The following GRB14 variants were observed in gnomAD, a reference collection of about 807,000 sequenced individuals.
The protein encoded by GRB14 is growth factor receptor bound protein 14.
GRB14 carries 38 observed loss-of-function variants against 69.1 expected under a neutral mutation model. The observed-to-expected ratio is 0.55, with a 90% confidence interval of 0.42 to 0.72. GRB14 has a LOEUF of 0.72. Ranked by LOEUF, GRB14 falls within the 30% of genes least tolerant of loss-of-function variation. GRB14 has a pLI of 0.00. For missense variants in GRB14, 666 were observed against 666.1 expected, an observed-to-expected ratio of 1.00 and a Z score of 0.00; for synonymous variants, 247 against 241.3, an observed-to-expected ratio of 1.02 and a Z score of -0.22.
At chr2:164,588,089 C>A (rs1018922346) in intron 2 of GRB14, among the ~76,000 whole-genome samples, 2 of 152,184 alleles carry the variant, frequency 1.3e-5, no homozygotes, top group African/African-American at 4.8e-5. Flanking sequence ...AACTTCTTGT[C>A]AACTGTTAAC....
At chr2:164,614,186 A>G (rs1210364187) in intron 2 of GRB14, among the ~76,000 whole-genome samples, 1 of 152,270 alleles carries the variant, frequency 6.6e-6, no homozygotes, top group Non-Finnish European at 1.5e-5. Context: ...ATCAAGTGAC[A>G]GCACTCAAAA....
intron 2 of GRB14, chr2:164,573,724 G>C: frequency 6.2e-7 from 1 of 1,604,274 alleles, no homozygotes; most frequent in East Asian, 2.2e-5. Context: ...TTCTAATTAA[G>C]TTTCTTCTCA....
At chr2:164,602,561 C>T (rs909586074) in intron 2 of GRB14, among the ~76,000 whole-genome samples, 1 of 152,164 alleles carries the variant, frequency 6.6e-6, no homozygotes, top group Non-Finnish European at 1.5e-5. Flanking sequence ...AATGAGCTCA[C>T]TATCATTGAA....
intron 2 of GRB14, among the ~76,000 whole-genome samples, chr2:164,578,104 G>A (rs759628659): frequency 6.6e-6 from 1 of 152,030 alleles, no homozygotes; most frequent in Non-Finnish European, 1.5e-5. Context: ...TTAGTGGTGT[G>A]CACCTGTAAT....
chr2:164,606,969 C>G (rs1245967784), intron 2 of GRB14, among the ~76,000 whole-genome samples: 1 of 152,138 alleles, frequency 6.6e-6, no homozygotes, highest in Non-Finnish European at 1.5e-5. Context: ...TTTTAACTGG[C>G]ATACATGGGC....
chr2:164,550,063 T>A (rs1027956992), intron 2 of GRB14, among the ~76,000 whole-genome samples: 3 of 152,098 alleles, frequency 2.0e-5, no homozygotes, highest in African/African-American at 7.2e-5. Context: ...CCATCTCAGG[T>A]ATGAATATTT....
intron 2 of GRB14, among the ~76,000 whole-genome samples, chr2:164,557,726 G>A (rs1334057468): frequency 2.6e-5 from 4 of 152,126 alleles, no homozygotes; most frequent in Admixed American, 1.3e-4. Flanking sequence ...CATTAAGGTC[G>A]CAAGATGGAT....
At chr2:164,532,441 C>T (rs1041416832) in intron 3 of GRB14, among the ~76,000 whole-genome samples, 1 of 152,110 alleles carries the variant, frequency 6.6e-6, no homozygotes, top group African/African-American at 2.4e-5. Flanking sequence ...TCTCTAGAAC[C>T]TGTAAATGTT....
chr2:164,546,697 A>T (rs950520244), intron 3 of GRB14, among the ~76,000 whole-genome samples: 10 of 152,204 alleles, frequency 6.6e-5, no homozygotes, highest in African/African-American at 2.4e-4. Context: ...CTGGCAGAAG[A>T]TCTGCCTCTG....
intron 3 of GRB14, among the ~76,000 whole-genome samples, chr2:164,539,317 A>C (rs933113415): frequency 4.6e-5 from 7 of 152,076 alleles, no homozygotes; most frequent in Non-Finnish European, 7.4e-5. Context: ...TCTACTAAAA[A>C]TACAAAAATT....
intron 2 of GRB14, among the ~76,000 whole-genome samples, chr2:164,617,574 T>C (rs760077629): frequency 2.6e-5 from 4 of 152,116 alleles, no homozygotes; most frequent in East Asian, 3.9e-4. Flanking sequence ...TTGTCCCCTA[T>C]ACTAACATAA....
chr2:164,569,795 T>C (rs992458394), intron 2 of GRB14, among the ~76,000 whole-genome samples: 8 of 152,116 alleles, frequency 5.3e-5, no homozygotes, highest in Admixed American at 1.3e-4. Context: ...AAGTCACAGA[T>C]CTATTTTGGA....
At chr2:164,530,223 G>A (rs1020909455) in intron 3 of GRB14, among the ~76,000 whole-genome samples, 2 of 152,092 alleles carry the variant, frequency 1.3e-5, no homozygotes, top group African/African-American at 4.8e-5. Flanking sequence ...GGTAAAGGGG[G>A]AGCAGGCGTG....
At chr2:164,561,579 C>T (rs1003939611) in intron 2 of GRB14, among the ~76,000 whole-genome samples, 2 of 152,120 alleles carry the variant, frequency 1.3e-5, no homozygotes, top group Admixed American at 6.6e-5. Context: ...TGCAGCTACA[C>T]GGTGATGAGT....
intron 2 of GRB14, among the ~76,000 whole-genome samples, chr2:164,602,351 G>C (rs1254203519): frequency 6.6e-6 from 1 of 152,072 alleles, no homozygotes; most frequent in East Asian, 1.9e-4. Context: ...AATGATGAGA[G>C]AGATGATTAC....
chr2:164,578,533 C>T (rs1404124163), intron 2 of GRB14, among the ~76,000 whole-genome samples: 2 of 151,644 alleles, frequency 1.3e-5, no homozygotes, highest in African/African-American at 4.8e-5. Context: ...CACACACACA[C>T]ACACACACAC....
chr2:164,495,011 G>C (rs1043668842), intron 12 of GRB14, among the ~76,000 whole-genome samples: 2 of 151,668 alleles, frequency 1.3e-5, no homozygotes, highest in African/African-American at 4.8e-5. Context: ...GAGTGCTCTC[G>C]GCTCACTGCA....
intron 9 of GRB14, 70 bp downstream of exon 9, chr2:164,502,185 A>T: frequency 1.3e-6 from 1 of 773,502 alleles, no homozygotes; most frequent in African/African-American, 1.7e-5. Flanking sequence ...AGATACTGTT[A>T]TGTAGTGTAA....
At chr2:164,519,104 T>C (rs774570152) in intron 6 of GRB14, among the ~76,000 whole-genome samples, 4 of 152,124 alleles carry the variant, frequency 2.6e-5, no homozygotes, top group Non-Finnish European at 5.9e-5. Context: ...CTGATGAACA[T>C]AGATGCAAAA....
Sources: allele counts gnomAD v4.1 joint callset (sites outside exome capture counted in the v4.1 genomes callset), GRCh38; gene constraint gnomAD v4.1.1; transcripts MANE v1.5; gene names NCBI Gene and HGNC (gene_info 2026-07-23, HGNC 2026-07-21).